The following KIF24 variants were observed in gnomAD, a reference collection of about 807,000 sequenced individuals.
KIF24 encodes kinesin family member 24.
Under a neutral mutation model 118.9 loss-of-function variants are expected in KIF24, and 81 were observed. The observed-to-expected ratio is 0.68, with a 90% CI of 0.57 to 0.82. The LOEUF is 0.82. KIF24 is among the 40% of genes least tolerant of loss of function. The pLI is 0.00. For missense variants in KIF24, 1,560 were observed against 1,661.6 expected (o/e 0.94, Z 1.06); for synonymous variants, 599 against 610.0 (o/e 0.98, Z 0.27).
chr9:34,259,774 G>A, intron 9 of KIF24, 69 bp from the exon 10 acceptor site: 2 of 972,788 alleles, frequency 2.1e-6, no homozygotes, highest in Non-Finnish European at 3.3e-6. Flanking sequence ...TACTTACTAG[G>A]TGCAGGATGC....
Position 34,318,636 on chromosome 9 carries a change from T to G in KIF24, c.-25-7265A>C. On this transcript the variant is annotated intron_variant, in intron 1 of 12. Coordinates refer to ENST00000402558, the MANE Select transcript of KIF24 (RefSeq NM_194313.4). The surrounding 1 kb of genome is among the most constrained non-coding windows in gnomAD (Gnocchi z 4.9). ...TCGCCCGTGGTGGTGGCCTCGTCGT[T>G]GGGGCTCGTGTCGCTGGGCGGCAAG... 1 of 1,534,536 alleles carries G rather than the reference T, an allele frequency of 6.5e-7. No homozygotes were observed. Among genetic ancestry groups the G allele is most frequent in the Non-Finnish European group, 8.9e-7 (1 of 1,127,644 alleles).
intron 4 of KIF24, among the ~76,000 whole-genome samples, chr9:34,295,183 G>A (rs1003422956): frequency 7.9e-6 from 1 of 126,092 alleles, no homozygotes; most frequent in Non-Finnish European, 1.7e-5. Context: ...TAGGTGGATT[G>A]GATGGATGGA....
chr9:34,330,461 G>A (rs892216959), upstream of KIF24, among the ~76,000 whole-genome samples: 1 of 152,162 alleles, frequency 6.6e-6, no homozygotes, highest in East Asian at 1.9e-4. Flanking sequence ...AATGTAAAAC[G>A]CTATTATAGA....
chr9:34,257,286 G>T lies in KIF24; in HGVS notation c.2321C>A (p.Pro774Gln), dbSNP rs1234834978. 1 of 1,614,036 alleles carries T rather than the reference G, an allele frequency of 6.2e-7. No individual in the cohort carries two copies. The highest frequency in any genetic ancestry group is 8.5e-7 in the Non-Finnish European group (1 of 1,179,896). The change falls in exon 11 of 13, where the codon CCA (proline) becomes CAA (glutamine). Residue 774 changes from proline (P) to glutamine (Q), a missense_variant. Pro to Gln is a moderately conservative substitution (Grantham distance 76). Around this residue, in one of 3 missense-constraint regions of KIF24, gnomAD observed 964 missense variants for 988.0 expected, o/e 0.98. Transcript: ENST00000402558. ...LRFYHQQFQQPPLLQQKLKYQ... is the reference protein window; with the variant it reads ...LRFYHQQFQQQPLLQQKLKYQ... ...TTTTAACTTCTGTTGGAGGAGAGGT[G>T]GCTGTTGGAACTGCTGGTGATAGAA... is the stretch of plus-strand genomic sequence containing the variant.
rs370686946 is a variant in KIF24 at position 34,257,385 on chromosome 9, G to A, written c.2222C>T (p.Thr741Met). 40 of 1,613,982 alleles carry A rather than the reference G, an allele frequency of 2.5e-5. 1 individual carries two copies. The highest frequency in any genetic ancestry group is 1.6e-4 in the Middle Eastern group (1 of 6,062). ...AEYSQDSQRG[T>M]PARPASEAWT... ...AGCTTCAGAGGCAGGCCTAGCAGGC[G>A]TGCCCCTCTGGCTGTCTTGACTGTA... The change falls in exon 11 of 13, where the codon ACG (threonine) becomes ATG (methionine). Residue 741 changes from threonine to methionine, a missense_variant. Thr to Met is a moderately conservative substitution (Grantham distance 81). Around this residue, in one of 3 missense-constraint regions of KIF24, gnomAD observed 964 missense variants for 988.0 expected, o/e 0.98. Transcript: ENST00000402558.
At chr9:34,286,727 G>A in intron 5 of KIF24, 23 bp from the exon 6 acceptor site, 1 of 1,524,600 alleles carries the variant, frequency 6.6e-7, no homozygotes, top group Non-Finnish European at 9.1e-7. Flanking sequence ...GAAAGTGGTT[G>A]GTATGATGGT....
intron 6 of KIF24, among the ~76,000 whole-genome samples, chr9:34,280,807 C>T (rs890813425): frequency 2.0e-5 from 3 of 152,108 alleles, no homozygotes; most frequent in Admixed American, 1.3e-4. Flanking sequence ...CAGTATTTGT[C>T]TCAGGAAAAA....
At chr9:34,292,759 T>A (rs944193955) in intron 4 of KIF24, among the ~76,000 whole-genome samples, 1 of 152,148 alleles carries the variant, frequency 6.6e-6, no homozygotes, top group Non-Finnish European at 1.5e-5. Context: ...GCAGTGTGGG[T>A]ACTATAAATA....
In KIF24 at chr9:34,253,578, G is replaced by A. The variant is rs975795963; in HGVS notation, c.*802C>T. On this transcript the variant is annotated 3_prime_UTR_variant, in exon 13 of 13. Transcript: ENST00000402558. ...ATGGACTATTCCATGAGGGGGCTGG[G>A]TAGTGAGGTGTCCCAGATAGGAGCC... 1 of 152,416 alleles carries A rather than the reference G, an allele frequency of 6.6e-6. No homozygotes were observed. The highest frequency in any genetic ancestry group is 2.4e-5 in the African/African-American group (1 of 41,452). The allele number at this position is 152,416 out of a possible 1,614,324, so 9.4% of individuals were successfully genotyped here. A position where few individuals can be genotyped will look rare whatever the true frequency, so the allele number is the denominator to read the frequency against.
rs1379437524 is a variant in KIF24 at position 34,318,617 on chromosome 9, G to A, written c.-25-7246C>T. On this transcript the variant is annotated intron_variant, in intron 1 of 12. Coordinates refer to ENST00000402558, the MANE Select transcript of KIF24 (RefSeq NM_194313.4). This position sits in a 1 kb window ranked among gnomAD's most constrained non-coding sequence, Gnocchi z 4.9. ...GGTGGAGAACATCCTGGTGTCGCCC[G>A]TGGTGGTGGCCTCGTCGTTGGGGCT... The A allele has an allele frequency of 1.8e-5, 27 of 1,511,288 alleles. No homozygotes were observed. Among genetic ancestry groups the A allele is most frequent in the Non-Finnish European group, 2.4e-5 (27 of 1,104,584 alleles). The allele number at this position is 1,511,288 out of a possible 1,614,324, so 93.6% of individuals were successfully genotyped here. A position where few individuals can be genotyped will look rare whatever the true frequency, so the allele number is the denominator to read the frequency against.
In KIF24 at chr9:34,257,882, A is replaced by G. The variant is rs754715861; in HGVS notation, c.1725T>C (p.Pro575=). 19 of 1,614,010 alleles carry G rather than the reference A, an allele frequency of 1.2e-5. No homozygotes were observed. The East Asian group carries it at 4.0e-4, about 34-fold the overall frequency. ...NSSPKRIQSS[P]GALSEDKCSP... ...AACATTTGTCCTCTGACAAAGCCCC[A>G]GGGGAGCTCTGAATTCGTTTTGGAG... is the stretch of plus-strand genomic sequence containing the variant. The change falls in exon 11 of 13, where the codon CCT becomes CCC. Residue 575 remains proline, a synonymous_variant. Transcript: ENST00000402558.
chr9:34,317,740 T>C (rs1171266070), intron 1 of KIF24, among the ~76,000 whole-genome samples: 2 of 152,228 alleles, frequency 1.3e-5, no homozygotes, highest in Non-Finnish European at 2.9e-5. Flanking sequence ...AATGCTTGTG[T>C]TCATGTAACC....
chr9:34,278,937 C>T (rs759085987), intron 6 of KIF24, among the ~76,000 whole-genome samples: 2 of 152,230 alleles, frequency 1.3e-5, no homozygotes, highest in Admixed American at 6.5e-5. Flanking sequence ...GCAACACCTA[C>T]ACAAATTTTT....
intron 9 of KIF24, among the ~76,000 whole-genome samples, chr9:34,261,398 GTTT>G (rs924574569): frequency 2.0e-4 from 31 of 152,088 alleles, no homozygotes; most frequent in Non-Finnish European, 3.5e-4. Context: ...ATCTACTGGA[GTTT>G]TTTGTTAATA....
intron 4 of KIF24, among the ~76,000 whole-genome samples, chr9:34,296,335 G>A (rs1836476396): frequency 6.8e-6 from 1 of 148,140 alleles, no homozygotes; most frequent in Non-Finnish European, 1.5e-5. Flanking sequence ...GACCATCCTG[G>A]CTAACACGGT....
chr9:34,256,728 A>G lies in KIF24; in HGVS notation c.2879T>C (p.Leu960Pro). ...QERGGGSSFD[L>P]RKDASQSEVS... is the part of the protein sequence containing the mutation. Reference sequence around the variant, plus strand: ...CTCACTTTGGGAGGCATCCTTTCTGAGATCAAAGGAAGAGCCTCCACCTCT... The same window carrying G: ...CTCACTTTGGGAGGCATCCTTTCTGGGATCAAAGGAAGAGCCTCCACCTCT... Residue 960 changes from leucine to proline, a missense_variant, in exon 11 of 13, where the codon CTC (leucine) becomes CCC (proline). Physicochemically the swap from Leu to Pro is moderately conservative, Grantham distance 98 (BLOSUM62 -3). Coordinates refer to ENST00000402558, the MANE Select transcript of KIF24 (RefSeq NM_194313.4). 1 of 1,613,948 alleles carries G rather than the reference A, an allele frequency of 6.2e-7. No individual in the cohort carries two copies. The highest frequency in any genetic ancestry group is 8.5e-7 in the Non-Finnish European group (1 of 1,179,878).
intron 2 of KIF24, among the ~76,000 whole-genome samples, 194 bp downstream of exon 2, chr9:34,310,530 G>A (rs957862012): frequency 6.6e-6 from 1 of 152,096 alleles, no homozygotes; most frequent in Non-Finnish European, 1.5e-5. Flanking sequence ...CTCCCACCTA[G>A]AAAGTCCCAA....
At chr9:34,284,274 G>T (rs1835957308) in intron 6 of KIF24, among the ~76,000 whole-genome samples, 1 of 151,696 alleles carries the variant, frequency 6.6e-6, no homozygotes, top group Non-Finnish European at 1.5e-5. Flanking sequence ...CCTGTCTCTA[G>T]AAAAAAATAA....
Position 34,310,842 on chromosome 9 carries a change from T to G in KIF24, c.505A>C (p.Thr169Pro). The change falls in exon 2 of 13, where the codon ACT becomes CCT. Residue 169 changes from threonine to proline, a missense_variant. Physicochemically the swap from Thr to Pro is conservative, Grantham distance 38. Coordinates refer to ENST00000402558, the MANE Select transcript of KIF24 (RefSeq NM_194313.4). ...GDSYVQTEIS[T>P]SLFSPNYLSA... is the part of the protein sequence containing the mutation. ...AGGTAATTTGGTGAAAAGAGTGAAG[T>G]GCTGATTTCTGTTTGCACATAGGAA... is the stretch of plus-strand genomic sequence containing the variant. The G allele has an allele frequency of 6.2e-7, 1 of 1,614,036 alleles. No individual in the cohort carries two copies. Among genetic ancestry groups the G allele is most frequent in the East Asian group, 2.2e-5 (1 of 44,892 alleles).
Sources: gnomAD v4.1 joint callset for allele counts (sites outside exome capture counted in the v4.1 genomes callset) on GRCh38, gnomAD v4.1.1 for gene constraint, gnomAD v4.1.1 regional missense constraint, Gnocchi (gnomAD v3.1) non-coding constraint, MANE v1.5 for transcripts, NCBI Gene and HGNC (gene_info 2026-07-23, HGNC 2026-07-21) for gene names.